Variants in ABI3 observed in about 807,000 individuals in gnomAD.
The protein encoded by ABI3 is ABI gene family member 3.
In ABI3, 24 loss-of-function variants were observed where a neutral mutation model predicts 37.0. That is an observed-to-expected ratio of 0.65 (90% CI 0.47 to 0.91). ABI3 has a LOEUF of 0.91. ABI3 is among the 40% of genes least tolerant of loss of function. ABI3 has a pLI of 0.00. For synonymous variants in ABI3, 220 were observed against 211.8 expected, an observed-to-expected ratio of 1.04 and a Z score of -0.34; for missense variants, 481 against 485.1, an observed-to-expected ratio of 0.99 and a Z score of 0.08.
rs761012251 is a variant in ABI3, at chr17:49,217,934, C to G, written c.462+19C>G. 1 of 1,496,662 alleles carries G rather than the reference C, an allele frequency of 6.7e-7. No homozygotes were observed. Among genetic ancestry groups the G allele is most frequent in the South Asian group, 1.3e-5 (1 of 75,692 alleles). 92.7% of individuals were successfully genotyped at this position (1,496,662 alleles called of 1,614,324 possible). A position where few individuals can be genotyped will look rare whatever the true frequency, so the allele number is the denominator to read the frequency against. ...GATCAAGGTAGAGAGAGGGGCCCTC[C>G]TCTTTCCCTCCAACCCACCCTCTCG... is the stretch of plus-strand genomic sequence containing the variant. On this transcript the variant is annotated intron_variant, in intron 3 of 7. Coordinates refer to ENST00000225941, the MANE Select transcript of ABI3 (RefSeq NM_016428.3).
At chr17:49,211,221 G>A (rs188250504) in intron 1 of ABI3, among the ~76,000 whole-genome samples, 2 of 152,182 alleles carry the variant, frequency 1.3e-5, no homozygotes, top group Admixed American at 6.5e-5. Context: ...TCTGGGTGAG[G>A]CTTCAGAAGA....
In ABI3 at chr17:49,215,325, G is replaced by T. The variant is rs150045395; in HGVS notation, c.118-1206G>T. Among the ~76,000 whole-genome samples, 11 of 152,280 alleles carry T rather than the reference G, an allele frequency of 7.2e-5. No individual in the cohort carries two copies. The East Asian group carries it at 1.9e-3, about 27-fold the overall frequency. On this transcript the variant is annotated intron_variant, in intron 1 of 7. Coordinates refer to ENST00000225941, the MANE Select transcript of ABI3 (RefSeq NM_016428.3). Reference sequence around the variant, plus strand: ...AAGAGAAAGGCAGGAGCCAGACCTGGAGGGGCTGTACGTAGGCCACGGTTA... The same window carrying T: ...AAGAGAAAGGCAGGAGCCAGACCTGTAGGGGCTGTACGTAGGCCACGGTTA...
At chr17:49,215,345 CG>C (rs1555616837) in intron 1 of ABI3, among the ~76,000 whole-genome samples, 1 of 152,002 alleles carries the variant, frequency 6.6e-6, no homozygotes, top group Non-Finnish European at 1.5e-5. Flanking sequence ...ACGTAGGCCA[CG>C]GTTAGAAGCT....
At chr17:49,217,025 A>C (rs1047915253) in intron 2 of ABI3, among the ~76,000 whole-genome samples, 1 of 152,104 alleles carries the variant, frequency 6.6e-6, no homozygotes, top group African/African-American at 2.4e-5. Flanking sequence ...TGCCCTCATA[A>C]ATATCCCAGA....
intron 7 of ABI3, 23 bp from the exon 8 acceptor site, chr17:49,222,529 C>T (rs1366989009): frequency 1.2e-6 from 2 of 1,611,000 alleles, no homozygotes; most frequent in Non-Finnish European, 8.5e-7. Flanking sequence ...TATCTCACGG[C>T]ACCCTCTTCT....
intron 7 of ABI3, 151 bp downstream of exon 7, chr17:49,222,376 T>C: frequency 7.3e-7 from 1 of 1,361,108 alleles, no homozygotes; most frequent in Non-Finnish European, 9.9e-7. Context: ...AGAGGGCAGC[T>C]GGCCTGGTAT....
At chr17:49,216,205 C>T (rs556628212) in intron 1 of ABI3, among the ~76,000 whole-genome samples, 25 of 151,992 alleles carry the variant, frequency 1.6e-4, no homozygotes, top group African/African-American at 6.0e-4. Flanking sequence ...CCTAAAAGGA[C>T]AGCCTGTTAC....
chr17:49,219,891 G>A lies in ABI3; in HGVS notation c.582G>A (p.Leu194=), dbSNP rs1364200790. The change falls in exon 5 of 8, where the codon CTG becomes CTA. Residue 194 remains leucine (L), a synonymous_variant. Transcript: ENST00000225941. The surrounding 1 kb of genome is among the most constrained non-coding windows in gnomAD (Gnocchi z 4.3). ...RPPRIPEPVH[L]PVVPDGRLSA... Reference sequence around the variant, plus strand: ...CCCGGATTCCCGAGCCAGTGCACCTGCCGGTGGTGCCCGACGGCAGACTCT... The same window carrying A: ...CCCGGATTCCCGAGCCAGTGCACCTACCGGTGGTGCCCGACGGCAGACTCT... 1.9e-6 allele frequency: 3 copies of A among 1,552,762 alleles called. No individual in the cohort carries two copies. The highest frequency in any genetic ancestry group is 3.8e-5 in the Admixed American group (2 of 53,110).
Position 49,219,748 on chromosome 17 carries a change from C to A in ABI3, c.549-110C>A. The A allele has an allele frequency of 7.1e-7, 1 of 1,416,798 alleles. No homozygotes were observed. The highest frequency in any genetic ancestry group is 9.7e-7 in the Non-Finnish European group (1 of 1,036,162). The allele number at this position is 1,416,798 out of a possible 1,614,324, so 87.8% of individuals were successfully genotyped here. A position where few individuals can be genotyped will look rare whatever the true frequency, so the allele number is the denominator to read the frequency against. ...GTGCTCAGGCCGTCATGCTGGATGC[C>A]TGGCGCCAAACCTCCCCCTCGGCCA... On this transcript the variant is annotated intron_variant, in intron 4 of 7. Coordinates refer to ENST00000225941, the MANE Select transcript of ABI3 (RefSeq NM_016428.3). This position sits in a 1 kb window ranked among gnomAD's most constrained non-coding sequence, Gnocchi z 4.3.
Position 49,210,928 on chromosome 17 carries a change from C to A in ABI3, c.117+87C>A, listed in dbSNP as rs1207276239. The A allele has an allele frequency of 3.6e-5, 39 of 1,078,222 alleles. No homozygotes were observed. The highest frequency in any genetic ancestry group is 4.8e-5 in the Non-Finnish European group (36 of 745,148). The allele number at this position is 1,078,222 out of a possible 1,614,324, so 66.8% of individuals were successfully genotyped here. A position where few individuals can be genotyped will look rare whatever the true frequency, so the allele number is the denominator to read the frequency against. ...CCCAAGTGGGGCCCTGGGACCCATC[C>A]TGACAGTGCTTGTCCTGGGCCTTGG... On this transcript the variant is annotated intron_variant, in intron 1 of 7. Transcript: ENST00000225941. The surrounding 1 kb of genome is among the most constrained non-coding windows in gnomAD (Gnocchi z 4.2).
chr17:49,217,892 G>C lies in ABI3; in HGVS notation c.439G>C (p.Asp147His), dbSNP rs757960023. The change falls in exon 3 of 8, where the codon GAC becomes CAC. Residue 147 changes from aspartate (D) to histidine (H), a missense_variant. Physicochemically the swap from Asp to His is moderately conservative, Grantham distance 81. Coordinates refer to ENST00000225941, the MANE Select transcript of ABI3 (RefSeq NM_016428.3). ...CRRPLNFGCL[D>H]DIGHGIKDLS... Reference sequence around the variant, plus strand: ...GAGACCCCTCAACTTTGGCTGCCTGGACGACATTGGCCATGGGATCAAGGT... The same window carrying C: ...GAGACCCCTCAACTTTGGCTGCCTGCACGACATTGGCCATGGGATCAAGGT... 4 of 1,572,470 alleles carry C rather than the reference G, an allele frequency of 2.5e-6. No homozygotes were observed. The South Asian group carries it at 4.7e-5, about 18-fold the overall frequency.
Position 49,222,782 on chromosome 17 carries a change from C to T in ABI3, c.*67C>T. The T allele has an allele frequency of 6.7e-7, 1 of 1,488,214 alleles. No homozygotes were observed. Among genetic ancestry groups the T allele is most frequent in the African/African-American group, 1.4e-5 (1 of 72,158 alleles). 92.2% of individuals were successfully genotyped at this position (1,488,214 alleles called of 1,614,324 possible). On this transcript the variant is annotated 3_prime_UTR_variant, in exon 8 of 8. Coordinates refer to ENST00000225941, the MANE Select transcript of ABI3 (RefSeq NM_016428.3). ...GGTTTCATGAGCCCCAAGCCAAAAC[C>T]AGCTCCAGTCACAGCTGGACTGGGT...
At position 49,219,907 on chromosome 17, in the gene ABI3, G is replaced by C. The variant is rs748501649; in HGVS notation, c.598G>C (p.Gly200Arg). 9 of 1,556,840 alleles carry C rather than the reference G, an allele frequency of 5.8e-6. No homozygotes were observed. The highest frequency in any genetic ancestry group is 7.8e-6 in the Non-Finnish European group (9 of 1,156,748). Residue 200 changes from glycine (G) to arginine (R), a missense_variant, in exon 5 of 8, where the codon GGC becomes CGC. Transcript: ENST00000225941. This position sits in a 1 kb window ranked among gnomAD's most constrained non-coding sequence, Gnocchi z 4.3. Reference sequence around the variant, plus strand: ...AGTGCACCTGCCGGTGGTGCCCGACGGCAGACTCTCCGCCGCCTCCTCTGC... The same window carrying C: ...AGTGCACCTGCCGGTGGTGCCCGACCGCAGACTCTCCGCCGCCTCCTCTGC... ...EPVHLPVVPDGRLSAASSAFS... is the reference protein window; with the variant it reads ...EPVHLPVVPDRRLSAASSAFS...
chr17:49,219,444 G>C lies in ABI3; in HGVS notation c.463-96G>C. On this transcript the variant is annotated intron_variant, in intron 3 of 7. Transcript: ENST00000225941. The surrounding 1 kb of genome is among the most constrained non-coding windows in gnomAD (Gnocchi z 4.3). ...CTGGCTATGCCGGGCTCTCCCTCCC[G>C]GTTCCCGTCCGCCCCTCCTCCATTT... 1 of 1,125,540 alleles carries C rather than the reference G, an allele frequency of 8.9e-7. No individual in the cohort carries two copies. Among genetic ancestry groups the C allele is most frequent in the South Asian group, 1.5e-5 (1 of 67,434 alleles). 69.7% of individuals were successfully genotyped at this position (1,125,540 alleles called of 1,614,324 possible). A position where few individuals can be genotyped will look rare whatever the true frequency, so the allele number is the denominator to read the frequency against.
At chr17:49,221,721 CTTT>C (rs1293111002) in intron 6 of ABI3, among the ~76,000 whole-genome samples, 7 of 152,052 alleles carry the variant, frequency 4.6e-5, no homozygotes, top group Non-Finnish European at 7.4e-5. Flanking sequence ...TGGGTGCATT[CTTT>C]TTTTCTTTTG....
Position 49,217,742 on chromosome 17 carries a change from G to A in ABI3, c.289G>A (p.Val97Met), listed in dbSNP as rs1456294036. The change falls in exon 3 of 8, where the codon GTG becomes ATG. Residue 97 changes from valine to methionine, a missense_variant. Coordinates refer to ENST00000225941, the MANE Select transcript of ABI3 (RefSeq NM_016428.3). ...CACCTTGAACCCTGTCATGCAGATGGTGAACATGCATATGGAGAAGGTGGC... is the reference window on the plus strand; with the variant it reads ...CACCTTGAACCCTGTCATGCAGATGATGAACATGCATATGGAGAAGGTGGC... The part of the protein sequence containing the change: ...EARVSTLGQM[V>M]NMHMEKVARR... The A allele has an allele frequency of 1.2e-6, 2 of 1,605,754 alleles. No individual in the cohort carries two copies. The highest frequency in any genetic ancestry group is 2.3e-5 in the East Asian group (1 of 43,912).
Position 49,210,879 on chromosome 17 carries a change from CG to C in ABI3, c.117+40del. 1 of 1,510,260 alleles carries C rather than the reference CG, an allele frequency of 6.6e-7. No individual in the cohort carries two copies. The highest frequency in any genetic ancestry group is 1.2e-5 in the South Asian group (1 of 82,756). 93.6% of individuals were successfully genotyped at this position (1,510,260 alleles called of 1,614,324 possible). Reference sequence around the variant, plus strand: ...GGCGGAAGCCTGACACCCCAGCCCCCGGAGGGGGGACCCTGAGCCCTGCCCC... The same window carrying C: ...GGCGGAAGCCTGACACCCCAGCCCCCGAGGGGGGACCCTGAGCCCTGCCCC... On this transcript the variant is annotated intron_variant, in intron 1 of 7. Coordinates refer to ENST00000225941, the MANE Select transcript of ABI3 (RefSeq NM_016428.3). The surrounding 1 kb of genome is among the most constrained non-coding windows in gnomAD (Gnocchi z 4.2).
rs2043252494 is a variant in ABI3 at position 49,219,163 on chromosome 17, T to C, written c.463-377T>C. The stretch of plus-strand genomic sequence containing the variant: ...AAATGAAAGGTGGGACACTTCTAAG[T>C]GTGATGTGTCCTCTCCTTTCTCCGC... On this transcript the variant is annotated intron_variant, in intron 3 of 7. Coordinates refer to ENST00000225941, the MANE Select transcript of ABI3 (RefSeq NM_016428.3). This position sits in a 1 kb window ranked among gnomAD's most constrained non-coding sequence, Gnocchi z 4.3. 6.6e-6 allele frequency among the ~76,000 whole-genome samples: 1 copy of C among 152,012 alleles called. No individual in the cohort carries two copies. Among genetic ancestry groups the C allele is most frequent in the Non-Finnish European group, 1.5e-5 (1 of 67,994 alleles).
rs142881182 is a variant in ABI3 at position 49,212,053 on chromosome 17, G to A, written c.117+1212G>A. 8.3e-4 allele frequency among the ~76,000 whole-genome samples: 126 copies of A among 152,022 alleles called. 1 individual carries two copies. Among genetic ancestry groups the A allele is most frequent in the African/African-American group, 2.9e-3 (119 of 41,486 alleles). ...TGAAGCCTTGAACTCCTAGGTTCAA[G>A]CAATCCTCCCACCTCAGCCTTCTGA... On this transcript the variant is annotated intron_variant, in intron 1 of 7. Transcript: ENST00000225941.
Sources: gnomAD v4.1 joint callset for allele counts (sites outside exome capture counted in the v4.1 genomes callset) on GRCh38, gnomAD v4.1.1 for gene constraint, Gnocchi (gnomAD v3.1) non-coding constraint, MANE v1.5 for transcripts, NCBI Gene and HGNC (gene_info 2026-07-23, HGNC 2026-07-21) for gene names.